The following DLG2 variants were observed in gnomAD, a reference collection of about 807,000 sequenced individuals.
DLG2 encodes the protein disks large homolog 2.
In DLG2, 45 loss-of-function variants were observed where a neutral mutation model predicts 132.5. The ratio of observed to expected loss-of-function variants is 0.34; its 90% confidence interval spans 0.27 to 0.44. The LOEUF is 0.44. Among genes scored for constraint, DLG2 ranks in the 20% least tolerant of loss-of-function variants. DLG2 has a pLI of 1.00. For missense variants in DLG2, 1,045 were observed against 1,196.9 expected, an observed-to-expected ratio of 0.87 and a Z score of 1.87; for synonymous variants, 424 against 419.6, an observed-to-expected ratio of 1.01 and a Z score of -0.13.
intron 4 of DLG2, among the ~76,000 whole-genome samples, chr11:85,155,939 C>G (rs1338604037): frequency 6.6e-6 from 1 of 152,080 alleles, no homozygotes; most frequent in Non-Finnish European, 1.5e-5. Flanking sequence ...GCTAGGACAG[C>G]TCCCAAATGG....
intron 21 of DLG2, among the ~76,000 whole-genome samples, chr11:83,526,021 A>G (rs2095600915): frequency 6.6e-6 from 1 of 152,180 alleles, no homozygotes; most frequent in Admixed American, 6.6e-5. Context: ...GGCCATATGG[A>G]AAGTTCTAAG....
intron 6 of DLG2, among the ~76,000 whole-genome samples, chr11:84,798,061 G>C (rs2074892035): frequency 6.6e-6 from 1 of 152,100 alleles, no homozygotes; most frequent in Non-Finnish European, 1.5e-5. Flanking sequence ...CCTGGAGCTG[G>C]GGGTAGGGTA....
intron 10 of DLG2, among the ~76,000 whole-genome samples, chr11:84,096,275 T>C (rs542191914): frequency 5.9e-4 from 90 of 152,274 alleles, no homozygotes; most frequent in Non-Finnish European, 1.0e-3. Context: ...TGTGTGTGTG[T>C]CTACATCTGA....
At chr11:84,149,490 T>C (rs2154249370) in intron 9 of DLG2, among the ~76,000 whole-genome samples, 1 of 152,286 alleles carries the variant, frequency 6.6e-6, no homozygotes, top group East Asian at 1.9e-4. Context: ...TCCCTACTGC[T>C]TATTTTTGTA....
chr11:85,496,111 G>T (rs895023541), intron 3 of DLG2, among the ~76,000 whole-genome samples: 6 of 152,208 alleles, frequency 3.9e-5, no homozygotes, highest in African/African-American at 1.4e-4. Flanking sequence ...CATCACACAG[G>T]AAGTGCAACT....
chr11:84,964,237 T>C (rs141119510), intron 6 of DLG2, among the ~76,000 whole-genome samples: 4 of 152,104 alleles, frequency 2.6e-5, no homozygotes, highest in Non-Finnish European at 5.9e-5. Context: ...TTGTGACCTC[T>C]TTGGTTTGCC....
intron 3 of DLG2, among the ~76,000 whole-genome samples, chr11:85,331,372 A>C (rs189913588): frequency 6.6e-6 from 1 of 152,316 alleles, no homozygotes; most frequent in Non-Finnish European, 1.5e-5. Context: ...AGCGGTAATA[A>C]AATCATTTAA....
chr11:85,003,022 A>C (rs1272228764), intron 6 of DLG2, among the ~76,000 whole-genome samples: 1 of 152,098 alleles, frequency 6.6e-6, no homozygotes, highest in Non-Finnish European at 1.5e-5. Flanking sequence ...ATTATTGAGA[A>C]GGCTTCCAGT....
In DLG2 at chr11:84,502,184, CTT is replaced by C. The variant is rs1412835029; in HGVS notation, c.519+32384_519+32385del. On this transcript the variant is annotated intron_variant, in intron 7 of 27. Transcript: ENST00000376104. Reference sequence around the variant, plus strand: ...TTTCTCTCTCTCTCTCTTTCTCTCTCTTTCTCTCTCTCTCTCTCCTTCCTTCC... The same window carrying C: ...TTTCTCTCTCTCTCTCTTTCTCTCTCTCTCTCTCTCTCTCTCCTTCCTTCC... Among the ~76,000 whole-genome samples, 98 of 19,690 alleles carry C rather than the reference CTT, an allele frequency of 5.0e-3. 20 individuals are homozygous for C. The highest frequency in any genetic ancestry group is 0.021 in the Middle Eastern group (1 of 48). 12.9% of individuals were successfully genotyped at this position (19,690 alleles called of 152,430 possible). A position where few individuals can be genotyped will look rare whatever the true frequency, so the allele number is the denominator to read the frequency against.
chr11:84,815,675 T>C (rs570887300), intron 6 of DLG2, among the ~76,000 whole-genome samples: 21 of 152,152 alleles, frequency 1.4e-4, no homozygotes, highest in Admixed American at 3.3e-4. Flanking sequence ...TAAGGAAAAC[T>C]AAATTAAGAA....
At chr11:84,114,330 A>G (rs2093520959) in intron 9 of DLG2, among the ~76,000 whole-genome samples, 1 of 152,152 alleles carries the variant, frequency 6.6e-6, no homozygotes, top group South Asian at 2.1e-4. Context: ...ATTTAACTTG[A>G]TACATTGGAA....
chr11:85,574,698 T>C (rs1259459904), intron 3 of DLG2, among the ~76,000 whole-genome samples: 2 of 152,054 alleles, frequency 1.3e-5, no homozygotes, highest in African/African-American at 4.8e-5. Flanking sequence ...CCACCCCTCG[T>C]CTCTTTTGCT....
At chr11:84,148,497 G>A (rs568527188) in intron 9 of DLG2, among the ~76,000 whole-genome samples, 9 of 152,148 alleles carry the variant, frequency 5.9e-5, no homozygotes, top group East Asian at 1.9e-4. Context: ...CTGTTTCTGC[G>A]TTAGTTTGCT....
At chr11:85,496,668 G>C (rs2093674950) in intron 3 of DLG2, among the ~76,000 whole-genome samples, 1 of 152,112 alleles carries the variant, frequency 6.6e-6, no homozygotes, top group Non-Finnish European at 1.5e-5. Flanking sequence ...CCTCCCAGTA[G>C]GGGCCAACAG....
In DLG2 at chr11:84,572,456, C is replaced by G. The variant is rs143538287; in HGVS notation, c.358-37725G>C. Among the ~76,000 whole-genome samples, 312 of 152,160 alleles carry G rather than the reference C, an allele frequency of 2.1e-3. 3 individuals are homozygous for G. Among genetic ancestry groups the G allele is most frequent in the African/African-American group, 7.2e-3 (297 of 41,526 alleles). ...AAGTCTGGGCTAGACTCCTGAAGAA[C>G]AAGAGAATATGTGGAGCAGAGATGA... On this transcript the variant is annotated intron_variant, in intron 6 of 27. Transcript: ENST00000376104.
chr11:83,940,385 T>A (rs2082373921), intron 14 of DLG2, among the ~76,000 whole-genome samples: 2 of 152,290 alleles, frequency 1.3e-5, no homozygotes, highest in African/African-American at 4.8e-5. Flanking sequence ...CTCACATATA[T>A]CTTGAGAACT....
chr11:84,342,958 C>A (rs796805276), intron 7 of DLG2, among the ~76,000 whole-genome samples: 1 of 152,148 alleles, frequency 6.6e-6, no homozygotes, highest in South Asian at 2.1e-4. Context: ...ATACATGCAG[C>A]GTCCCAGGCA....
intron 11 of DLG2, 32 bp from the exon 12 acceptor site, chr11:83,980,674 T>C (rs750529748): frequency 2.7e-6 from 4 of 1,495,302 alleles, no homozygotes; most frequent in Non-Finnish European, 3.6e-6. Context: ...TGGAAAGCCT[T>C]GTTTTGTTGT....
At chr11:84,186,933 T>C (rs2096287484) in intron 8 of DLG2, among the ~76,000 whole-genome samples, 1 of 151,956 alleles carries the variant, frequency 6.6e-6, no homozygotes, top group Non-Finnish European at 1.5e-5. Context: ...AAAAATGTCC[T>C]TCTGAAAATA....
Sources: allele counts gnomAD v4.1 joint callset (sites outside exome capture counted in the v4.1 genomes callset), GRCh38; gene constraint gnomAD v4.1.1; transcripts MANE v1.5; gene names NCBI Gene and HGNC (gene_info 2026-07-23, HGNC 2026-07-21).